The following MCTP2 variants were observed in gnomAD, a reference collection of about 807,000 sequenced individuals.
MCTP2 encodes the protein multiple C2 and transmembrane domain-containing protein 2.
MCTP2 carries 132 observed loss-of-function variants against 111.6 expected under a neutral mutation model. That is an observed-to-expected ratio of 1.18 (90% CI 1.03 to 1.37). The LOEUF (loss-of-function observed/expected upper bound fraction) is 1.37. Among genes scored for constraint, MCTP2 ranks in the 40% most tolerant of loss-of-function variants. The pLI is 0.00. For missense variants in MCTP2, 1,183 were observed against 1,067.9 expected (o/e 1.11, Z -1.50); for synonymous variants, 395 against 387.7 (o/e 1.02, Z -0.22).
At chr15:94,440,497 A>C (rs1224850233) in intron 18 of MCTP2, among the ~76,000 whole-genome samples, 199 bp downstream of exon 18, 1 of 152,086 alleles carries the variant, frequency 6.6e-6, no homozygotes, top group African/African-American at 2.4e-5. Flanking sequence ...TACGTTCCTG[A>C]GTCTTGGCCT....
At chr15:94,243,210 C>T (rs1254268656) in intron 1 of MCTP2, among the ~76,000 whole-genome samples, 2 of 147,780 alleles carry the variant, frequency 1.4e-5, no homozygotes, top group African/African-American at 2.5e-5. Context: ...TGCGTATATA[C>T]GTATATACAT....
rs1266936903 is a variant in MCTP2, at chr15:94,399,958, AGC to A, written c.1931_1932del (p.Arg644LeufsTer3). On this transcript the variant is annotated frameshift_variant, in exon 16 of 23. Transcript: ENST00000357742. LOFTEE classifies it high-confidence loss of function. ...ATTAGGACTTTTACTCCCCGGGAAAAGCGCTTTGTTGAAGACAGCCGCAAGCT... is the reference window on the plus strand; with the variant it reads ...ATTAGGACTTTTACTCCCCGGGAAAAGCTTTGTTGAAGACAGCCGCAAGCT... The A allele has an allele frequency of 1.2e-6, 2 of 1,613,832 alleles. No homozygotes were observed. The highest frequency in any genetic ancestry group is 1.7e-6 in the Non-Finnish European group (2 of 1,179,900).
intron 4 of MCTP2, among the ~76,000 whole-genome samples, chr15:94,337,833 G>A (rs144916131): frequency 1.4e-4 from 22 of 152,046 alleles, no homozygotes; most frequent in Non-Finnish European, 2.8e-4. Flanking sequence ...AAGTTAGTAC[G>A]CTTGCAGTAC....
At chr15:94,386,098 T>G (rs373957197) in intron 14 of MCTP2, among the ~76,000 whole-genome samples, 4 of 152,002 alleles carry the variant, frequency 2.6e-5, no homozygotes, top group African/African-American at 9.7e-5. Context: ...TATAAGATAA[T>G]GCACCAGGGT....
At chr15:94,468,053 G>C (rs2073551514) in intron 20 of MCTP2, among the ~76,000 whole-genome samples, 4 of 151,388 alleles carry the variant, frequency 2.6e-5, no homozygotes, top group Non-Finnish European at 2.9e-5. Context: ...TCATGCGAAA[G>C]TTTATAATTT....
At chr15:94,373,223 T>C (rs527877852) in intron 12 of MCTP2, among the ~76,000 whole-genome samples, 146 of 152,344 alleles carry the variant, frequency 9.6e-4, no homozygotes, top group Non-Finnish European at 1.9e-3. Context: ...GGATATTCCC[T>C]GTGAGTTGTT....
At chr15:94,352,815 G>T (rs528949741) in intron 8 of MCTP2, among the ~76,000 whole-genome samples, 9 of 152,328 alleles carry the variant, frequency 5.9e-5, no homozygotes, top group African/African-American at 1.9e-4. Context: ...GCCCAGCTCT[G>T]CAAGAAAGCA....
intron 1 of MCTP2, among the ~76,000 whole-genome samples, chr15:94,293,655 A>C (rs1052216002): frequency 6.6e-6 from 1 of 152,176 alleles, no homozygotes. Context: ...ACACATACCT[A>C]TTAGAATGGC....
rs1001009894 is a variant in MCTP2 at position 94,246,169 on chromosome 15, T to C, written c.-66+14505T>C. 1.4e-4 allele frequency among the ~76,000 whole-genome samples: 22 copies of C among 152,052 alleles called. 1 individual carries two copies. The stretch of plus-strand genomic sequence containing the variant: ...GAAGGACCCTTTGCAATGCTACACA[T>C]ATTAGGAATGGACACTGAAACCGTC... On this transcript the variant is annotated intron_variant, in intron 1 of 22. Coordinates refer to ENST00000357742, the MANE Select transcript of MCTP2 (RefSeq NM_001385001.1).
intron 1 of MCTP2, among the ~76,000 whole-genome samples, chr15:94,245,200 A>T (rs1028444477): frequency 7.0e-6 from 1 of 143,476 alleles, no homozygotes; most frequent in African/African-American, 2.5e-5. Flanking sequence ...ATATGTATGT[A>T]TATATTTATA....
chr15:94,351,011 T>C (rs987862672), intron 8 of MCTP2, among the ~76,000 whole-genome samples: 1 of 151,878 alleles, frequency 6.6e-6, no homozygotes, highest in South Asian at 2.1e-4. Flanking sequence ...TATTTTTAAG[T>C]ACAAAAATTG....
rs373687041 is a variant in MCTP2, at chr15:94,303,131, TTA to T, written c.465+4418_465+4419del. On this transcript the variant is annotated intron_variant, in intron 2 of 22. Transcript: ENST00000357742. ...TATATATATAGTTTATATATATAGTTTATATATATATATATATAGTTCTGTCT... is the reference window on the plus strand; with the variant it reads ...TATATATATAGTTTATATATATAGTTTATATATATATATATAGTTCTGTCT... Among the ~76,000 whole-genome samples, 543 of 142,362 alleles carry T rather than the reference TTA, an allele frequency of 3.8e-3. 5 individuals carry two copies. Among genetic ancestry groups the T allele is most frequent in the African/African-American group, 0.011 (448 of 39,026 alleles). The allele number at this position is 142,362 out of a possible 152,430, so 93.4% of individuals were successfully genotyped here.
intron 17 of MCTP2, among the ~76,000 whole-genome samples, chr15:94,425,911 T>G (rs943245525): frequency 6.6e-6 from 1 of 152,180 alleles, no homozygotes; most frequent in Non-Finnish European, 1.5e-5. Context: ...CAGGCAACTT[T>G]AGAGGCAAGT....
Position 94,458,221 on chromosome 15 carries a change from G to T in MCTP2, c.2335G>T (p.Ala779Ser). 1 of 1,608,134 alleles carries T rather than the reference G, an allele frequency of 6.2e-7. No homozygotes were observed. The highest frequency in any genetic ancestry group is 8.5e-7 in the Non-Finnish European group (1 of 1,174,546). ...STVQNVLEEI[A>S]SFGERIKNTF... is the part of the protein sequence containing the mutation. Reference sequence around the variant, plus strand: ...TGTTCAAAACGTCTTGGAGGAAATAGCTTCTTTTGGAGAAAGGATTAAGAA... The same window carrying T: ...TGTTCAAAACGTCTTGGAGGAAATATCTTCTTTTGGAGAAAGGATTAAGAA... The change falls in exon 20 of 23, where the codon GCT becomes TCT. Residue 779 changes from alanine (A) to serine (S), a missense_variant. Coordinates refer to ENST00000357742, the MANE Select transcript of MCTP2 (RefSeq NM_001385001.1).
At chr15:94,395,124 G>A (rs911140721) in intron 14 of MCTP2, among the ~76,000 whole-genome samples, 3 of 152,198 alleles carry the variant, frequency 2.0e-5, no homozygotes, top group East Asian at 1.9e-4. Context: ...AATGGATACC[G>A]AGTAAAGTGT....
At chr15:94,477,112 G>C (rs1330218473) in intron 22 of MCTP2, among the ~76,000 whole-genome samples, 1 of 152,292 alleles carries the variant, frequency 6.6e-6, no homozygotes. Flanking sequence ...GAGTAGAATT[G>C]CATGAGATCC....
rs758034772 is a variant in MCTP2 at position 94,384,111 on chromosome 15, A to G, written c.1672A>G (p.Lys558Glu). Residue 558 changes from lysine (K) to glutamate (E), a missense_variant, in exon 13 of 23, where the codon AAA becomes GAA. Lys to Glu is a moderately conservative substitution (Grantham distance 56). Coordinates refer to ENST00000357742, the MANE Select transcript of MCTP2 (RefSeq NM_001385001.1). ...CAAAAACCTCAACCCTGAATGGAAC[A>G]AAGTTTTTACATTGTAAGTGCTTTA... ...VYKNLNPEWN[K>E]VFTFPIKDIH... 3 of 1,612,828 alleles carry G rather than the reference A, an allele frequency of 1.9e-6. No homozygotes were observed. Among genetic ancestry groups the G allele is most frequent in the Non-Finnish European group, 2.5e-6 (3 of 1,179,110 alleles).
At chr15:94,346,980 C>T (rs1046497353) in intron 8 of MCTP2, among the ~76,000 whole-genome samples, 11 of 151,860 alleles carry the variant, frequency 7.2e-5, no homozygotes, top group East Asian at 3.9e-4. Flanking sequence ...GGATATAATA[C>T]GCGCCCATCC....
At chr15:94,286,762 T>C (rs2074777034) in intron 1 of MCTP2, among the ~76,000 whole-genome samples, 1 of 152,218 alleles carries the variant, frequency 6.6e-6, no homozygotes, top group African/African-American at 2.4e-5. Flanking sequence ...GGAGGATGTC[T>C]GGCTTAAAAC....
Sources: allele counts gnomAD v4.1 joint callset (sites outside exome capture counted in the v4.1 genomes callset), GRCh38; gene constraint gnomAD v4.1.1; transcripts MANE v1.5; gene names NCBI Gene and HGNC (gene_info 2026-07-23, HGNC 2026-07-21).